Variants in PIK3CA observed in about 807,000 individuals in gnomAD.
The protein encoded by PIK3CA is phosphatidylinositol 4,5-bisphosphate 3-kinase catalytic subunit alpha isoform.
In PIK3CA, 27 loss-of-function variants were observed where a neutral mutation model predicts 138.2. That is an observed-to-expected ratio of 0.20 (90% CI 0.14 to 0.27). PIK3CA has a LOEUF of 0.27. PIK3CA is among the 10% of genes least tolerant of loss of function. The pLI is 1.00. For synonymous variants in PIK3CA, 358 were observed against 413.2 expected (o/e 0.87, Z 1.62); for missense variants, 544 against 1,277.4 (o/e 0.43, Z 8.75).
chr3:179,224,863 C>G (rs2108418404), intron 16 of PIK3CA, 42 bp downstream of exon 16: 1 of 1,450,510 alleles, frequency 6.9e-7, no homozygotes, highest in Non-Finnish European at 9.5e-7. Context: ...ATGAATTTAG[C>G]TATCTTTTTA....
chr3:179,195,156 A>G (rs959794659), intron 1 of PIK3CA, among the ~76,000 whole-genome samples: 1 of 151,814 alleles, frequency 6.6e-6, no homozygotes, highest in African/African-American at 2.4e-5. Flanking sequence ...CATCTGAGCC[A>G]CTCAGTACTC....
chr3:179,172,922 C>T (rs547938086), intron 1 of PIK3CA, among the ~76,000 whole-genome samples: 1 of 151,932 alleles, frequency 6.6e-6, no homozygotes, highest in Non-Finnish European at 1.5e-5. Flanking sequence ...TGCTATAAAG[C>T]TACAATAATC....
At chr3:179,181,821 T>C (rs955395022) in intron 1 of PIK3CA, among the ~76,000 whole-genome samples, 5 of 152,132 alleles carry the variant, frequency 3.3e-5, no homozygotes, top group African/African-American at 1.2e-4. Context: ...ATTTTAACCT[T>C]TAAAGTCTTG....
intron 9 of PIK3CA, among the ~76,000 whole-genome samples, chr3:179,213,168 T>C (rs1049585538): frequency 1.3e-5 from 2 of 152,144 alleles, no homozygotes; most frequent in Admixed American, 6.5e-5. Context: ...GATGATAACC[T>C]TGAAGTTGAG....
chr3:179,178,417 A>G (rs766126368), intron 1 of PIK3CA, among the ~76,000 whole-genome samples: 5 of 152,166 alleles, frequency 3.3e-5, no homozygotes, highest in African/African-American at 9.7e-5. Flanking sequence ...ATTAGTCATC[A>G]GTAAATGCAA....
At chr3:179,179,894 G>C (rs1200267618) in intron 1 of PIK3CA, among the ~76,000 whole-genome samples, 1 of 152,110 alleles carries the variant, frequency 6.6e-6, no homozygotes, top group Non-Finnish European at 1.5e-5. Flanking sequence ...AGCTACTTGG[G>C]CTGAATTTAA....
At chr3:179,162,104 T>C (rs1363439907) in intron 1 of PIK3CA, among the ~76,000 whole-genome samples, 1 of 152,166 alleles carries the variant, frequency 6.6e-6, no homozygotes, top group East Asian at 1.9e-4. Flanking sequence ...TACAGAAATA[T>C]ACATTTTATC....
intron 4 of PIK3CA, among the ~76,000 whole-genome samples, chr3:179,202,472 T>A (rs1023309826): frequency 2.0e-5 from 3 of 152,244 alleles, no homozygotes; most frequent in African/African-American, 4.8e-5. Flanking sequence ...CTATTGATAC[T>A]TTCCTACTCT....
intron 6 of PIK3CA, among the ~76,000 whole-genome samples, chr3:179,207,763 G>A (rs533087107): frequency 7.0e-4 from 106 of 152,092 alleles, no homozygotes; most frequent in African/African-American, 2.3e-3. Context: ...CAGGTGATCC[G>A]TCCACCTTGG....
At chr3:179,194,131 T>G (rs2108381267) in intron 1 of PIK3CA, among the ~76,000 whole-genome samples, 1 of 152,362 alleles carries the variant, frequency 6.6e-6, no homozygotes, top group Admixed American at 6.5e-5. Context: ...AACCTACACT[T>G]GAAAAGCAAT....
chr3:179,151,652 C>G (rs79136918), intron 1 of PIK3CA, among the ~76,000 whole-genome samples: 1 of 152,126 alleles, frequency 6.6e-6, no homozygotes, highest in African/African-American at 2.4e-5. Context: ...TGTCAAGGAC[C>G]TGTATATTTG....
chr3:179,211,516 A>G (rs1301114275), intron 9 of PIK3CA, among the ~76,000 whole-genome samples: 1 of 152,130 alleles, frequency 6.6e-6, no homozygotes, highest in Non-Finnish European at 1.5e-5. Flanking sequence ...CTAAAAATAC[A>G]AAAAGCCGGG....
chr3:179,171,240 A>G (rs1254257434), intron 1 of PIK3CA, among the ~76,000 whole-genome samples: 1 of 152,170 alleles, frequency 6.6e-6, no homozygotes, highest in Non-Finnish European at 1.5e-5. Context: ...AATATTTTTA[A>G]CTGAGTGAAA....
intron 9 of PIK3CA, among the ~76,000 whole-genome samples, chr3:179,215,554 G>A (rs1248070197): frequency 6.6e-6 from 1 of 151,942 alleles, no homozygotes; most frequent in Non-Finnish European, 1.5e-5. Context: ...TATAAAAGAA[G>A]GATAGAATAG....
In PIK3CA at chr3:179,170,080, A is replaced by G. The variant is rs866161504; in HGVS notation, c.-77+21477A>G. Among the ~76,000 whole-genome samples, 488 of 134,510 alleles carry G rather than the reference A, an allele frequency of 3.6e-3. 1 individual carries two copies. Among genetic ancestry groups the G allele is most frequent in the African/African-American group, 0.013 (433 of 34,328 alleles). 88.2% of individuals were successfully genotyped at this position (134,510 alleles called of 152,430 possible). On this transcript the variant is annotated intron_variant, in intron 1 of 20. Transcript: ENST00000263967. Reference sequence around the variant, plus strand: ...TGCGCGTGCACACGCGCGCGCGCACACACACACACACACACACACGACCTT... The same window carrying G: ...TGCGCGTGCACACGCGCGCGCGCACGCACACACACACACACACACGACCTT...
At chr3:179,169,228 C>T (rs2108360747) in intron 1 of PIK3CA, 1 of 152,304 alleles carries the variant, frequency 6.6e-6, no homozygotes, top group South Asian at 2.1e-4. Flanking sequence ...AGGGCTAGAC[C>T]TTTCTCTCCC....
chr3:179,158,158 A>G (rs912247098), intron 1 of PIK3CA, among the ~76,000 whole-genome samples: 16 of 152,062 alleles, frequency 1.1e-4, no homozygotes, highest in African/African-American at 3.9e-4. Context: ...CCTTCAAACA[A>G]GTTTAGAGTA....
At chr3:179,157,628 AAACT>A (rs1314521074) in intron 1 of PIK3CA, among the ~76,000 whole-genome samples, 3 of 152,078 alleles carry the variant, frequency 2.0e-5, no homozygotes, top group Admixed American at 2.0e-4. Context: ...GTTTACTCTA[AAACT>A]AATTTTTTTT....
chr3:179,214,646 A>G (rs888282538), intron 9 of PIK3CA, among the ~76,000 whole-genome samples: 1 of 152,182 alleles, frequency 6.6e-6, no homozygotes, highest in African/African-American at 2.4e-5. Flanking sequence ...ATTTGGAAAA[A>G]TAGTGCCAGG....
Sources: gnomAD v4.1 joint callset for allele counts (sites outside exome capture counted in the v4.1 genomes callset) on GRCh38, gnomAD v4.1.1 for gene constraint, MANE v1.5 for transcripts, NCBI Gene and HGNC (gene_info 2026-07-23, HGNC 2026-07-21) for gene names.